The following ZDHHC14 variants were observed in gnomAD, a reference collection of about 807,000 sequenced individuals.
ZDHHC14 encodes zDHHC palmitoyltransferase 14, also known as palmitoyltransferase ZDHHC14.
ZDHHC14 carries 16 observed loss-of-function variants against 47.7 expected under a neutral mutation model. That is an observed-to-expected ratio of 0.34 (90% confidence interval 0.23 to 0.51). The LOEUF (loss-of-function observed/expected upper bound fraction) is 0.51, where lower values mean the gene tolerates loss of function less well. ZDHHC14 is among the 20% of genes least tolerant of loss of function. ZDHHC14 has a pLI of 0.97. For missense variants in ZDHHC14, 515 were observed against 662.5 expected, an observed-to-expected ratio of 0.78 and a Z score of 2.44; for synonymous variants, 293 against 278.9, an observed-to-expected ratio of 1.05 and a Z score of -0.50.
At chr6:157,651,772 A>G (rs113079172) in intron 7 of ZDHHC14, among the ~76,000 whole-genome samples, 24,282 of 152,082 alleles carry the variant, frequency 0.16, 2,139 homozygotes, top group Admixed American at 0.23. Context: ...GGGTTTCACC[A>G]TGTTGACCAG....
intron 1 of ZDHHC14, among the ~76,000 whole-genome samples, chr6:157,430,898 A>T (rs567613280): frequency 6.6e-6 from 1 of 152,336 alleles, no homozygotes; most frequent in Admixed American, 6.5e-5. Flanking sequence ...GTTAGATAAG[A>T]TAGTCATCTC....
chr6:157,437,406 G>A (rs950480250), intron 1 of ZDHHC14, among the ~76,000 whole-genome samples: 4 of 152,222 alleles, frequency 2.6e-5, no homozygotes, highest in Admixed American at 6.5e-5. Context: ...CTGTGCTCCC[G>A]AGTGTCCCGG....
intron 1 of ZDHHC14, among the ~76,000 whole-genome samples, chr6:157,426,442 G>T (rs148409233): frequency 6.6e-6 from 1 of 152,216 alleles, no homozygotes; most frequent in Non-Finnish European, 1.5e-5. Context: ...CCGCATTAGG[G>T]TCTTAGGATC....
intron 7 of ZDHHC14, among the ~76,000 whole-genome samples, chr6:157,648,021 A>G (rs907672312): frequency 6.6e-6 from 1 of 152,200 alleles, no homozygotes; most frequent in Non-Finnish European, 1.5e-5. Flanking sequence ...TGTGCCCAAG[A>G]TCACACAGCA....
At chr6:157,453,870 C>T (rs1282099960) in intron 1 of ZDHHC14, among the ~76,000 whole-genome samples, 2 of 151,096 alleles carry the variant, frequency 1.3e-5, no homozygotes, top group African/African-American at 4.9e-5. Flanking sequence ...TTCTGGTGGC[C>T]GATACCTTCT....
At position 157,666,904 on chromosome 6, in the gene ZDHHC14, A is replaced by G. The variant is rs547340477; in HGVS notation, c.1069-5820A>G. ...AAACTTCTTTGCAAGTTACATGCCG[A>G]CACTTCATTTGGGCAGTAAATCAGC... is the stretch of plus-strand genomic sequence containing the variant. On this transcript the variant is annotated intron_variant, in intron 8 of 8. Transcript: ENST00000359775. 2.0e-5 allele frequency among the ~76,000 whole-genome samples: 3 copies of G among 152,330 alleles called. No homozygotes were observed. In the East Asian group the frequency reaches 5.8e-4, roughly 29 times the overall value.
chr6:157,509,987 G>C (rs1338510366), intron 1 of ZDHHC14, among the ~76,000 whole-genome samples: 1 of 152,216 alleles, frequency 6.6e-6, no homozygotes, highest in African/African-American at 2.4e-5. Context: ...GCTCACGCCT[G>C]TAATCCCAGC....
At chr6:157,638,980 G>T (rs1027216463) in intron 5 of ZDHHC14, among the ~76,000 whole-genome samples, 13 of 152,370 alleles carry the variant, frequency 8.5e-5, no homozygotes, top group Non-Finnish European at 4.4e-5. Flanking sequence ...CAGCCCATCT[G>T]CAGGGCCATG....
At chr6:157,635,563 G>A (rs1443698788) in intron 5 of ZDHHC14, among the ~76,000 whole-genome samples, 1 of 152,232 alleles carries the variant, frequency 6.6e-6, no homozygotes, top group African/African-American at 2.4e-5. Flanking sequence ...ATACAGGAAA[G>A]ACTCAGCTCC....
chr6:157,456,504 A>C (rs990149840), intron 1 of ZDHHC14, among the ~76,000 whole-genome samples: 2 of 152,114 alleles, frequency 1.3e-5, no homozygotes, highest in African/African-American at 4.8e-5. Context: ...AACGGCACTC[A>C]GCGCTGTTAG....
intron 1 of ZDHHC14, among the ~76,000 whole-genome samples, chr6:157,516,938 G>C (rs1248600319): frequency 4.6e-5 from 7 of 152,218 alleles, no homozygotes. Context: ...GGAGGGCACA[G>C]ATTTTTTTAT....
chr6:157,416,441 T>C (rs1249125594), intron 1 of ZDHHC14, among the ~76,000 whole-genome samples: 2 of 151,838 alleles, frequency 1.3e-5, no homozygotes, highest in Non-Finnish European at 2.9e-5. Flanking sequence ...GTCAAGAGGA[T>C]TGCTTAAGTT....
intron 1 of ZDHHC14, 89 bp downstream of exon 1, chr6:157,382,355 A>T: frequency 6.9e-7 from 1 of 1,454,008 alleles, no homozygotes. Context: ...GTTTTCTAGA[A>T]GTCTTATCTA....
chr6:157,654,165 G>A (rs1434595645), intron 8 of ZDHHC14, among the ~76,000 whole-genome samples: 2 of 152,200 alleles, frequency 1.3e-5, no homozygotes, highest in African/African-American at 2.4e-5. Flanking sequence ...TCTCCAGAGC[G>A]TGTGCACATC....
intron 2 of ZDHHC14, among the ~76,000 whole-genome samples, chr6:157,547,825 A>G (rs1782041714): frequency 6.7e-6 from 1 of 150,272 alleles, no homozygotes; most frequent in East Asian, 1.9e-4. Flanking sequence ...TATTTCTACT[A>G]AGAAAAATTT....
chr6:157,585,283 C>G (rs35213181), intron 2 of ZDHHC14, among the ~76,000 whole-genome samples: 2 of 152,198 alleles, frequency 1.3e-5, no homozygotes, highest in East Asian at 1.9e-4. Flanking sequence ...CCCCAAAATT[C>G]TAGTGTTTGA....
chr6:157,513,467 G>A (rs897278393), intron 1 of ZDHHC14, among the ~76,000 whole-genome samples: 1 of 152,176 alleles, frequency 6.6e-6, no homozygotes, highest in Non-Finnish European at 1.5e-5. Context: ...TAAGCTGTTA[G>A]TGCTTTGTTA....
intron 1 of ZDHHC14, among the ~76,000 whole-genome samples, chr6:157,405,113 A>G (rs897078885): frequency 6.6e-6 from 1 of 152,180 alleles, no homozygotes; most frequent in Non-Finnish European, 1.5e-5. Context: ...AAAAATATAT[A>G]TTCTAAGTAG....
intron 1 of ZDHHC14, among the ~76,000 whole-genome samples, chr6:157,461,246 G>A (rs1324288228): frequency 6.6e-6 from 1 of 152,206 alleles, no homozygotes; most frequent in Admixed American, 6.5e-5. Context: ...ACTGATACAA[G>A]GTGAGAAGGG....
Sources: allele counts gnomAD v4.1 joint callset (sites outside exome capture counted in the v4.1 genomes callset), GRCh38; gene constraint gnomAD v4.1.1; transcripts MANE v1.5; gene names NCBI Gene and HGNC (gene_info 2026-07-23, HGNC 2026-07-21).